DNAH14: variants seen among roughly 807,000 people sequenced by gnomAD.
DNAH14 encodes the protein dynein axonemal heavy chain 14.
Under a neutral mutation model 520.9 loss-of-function variants are expected in DNAH14, and 478 were observed. The observed-to-expected ratio is 0.92, with a 90% CI of 0.85 to 0.99. The LOEUF is 0.99. Ranked by LOEUF, DNAH14 falls within the 50% of genes least tolerant of loss-of-function variation. The pLI, the probability that DNAH14 is intolerant of heterozygous loss-of-function variation, is 0.00. For missense variants in DNAH14, 4,831 were observed against 5,234.5 expected, an observed-to-expected ratio of 0.92 and a Z score of 2.38; for synonymous variants, 1,581 against 1,757.2, an observed-to-expected ratio of 0.90 and a Z score of 2.51.
At position 225,063,142 on chromosome 1, in the gene DNAH14, G is replaced by A. The variant is rs1359046321; in HGVS notation, c.2424+11347G>A. 2.0e-5 allele frequency among the ~76,000 whole-genome samples: 3 copies of A among 151,782 alleles called. No individual in the cohort carries two copies. In the East Asian group the frequency reaches 5.8e-4, roughly 30 times the overall value. ...AAAGATATTTAAAAAAAGCAAAATA[G>A]CAAAACTTAAAGAGATGAAAAATAC... On this transcript the variant is annotated intron_variant, in intron 17 of 85. Coordinates refer to ENST00000682510, the MANE Select transcript of DNAH14 (RefSeq NM_001367479.1).
intron 17 of DNAH14, among the ~76,000 whole-genome samples, chr1:225,055,791 T>C (rs958288589): frequency 2.0e-5 from 3 of 151,612 alleles, no homozygotes; most frequent in Non-Finnish European, 4.4e-5. Flanking sequence ...TGGTGTTTGG[T>C]TTTTTGTCCT....
At chr1:224,991,261 A>G (rs112615371) in intron 8 of DNAH14, among the ~76,000 whole-genome samples, 1 of 134,934 alleles carries the variant, frequency 7.4e-6, no homozygotes, top group Admixed American at 7.5e-5. Context: ...TGCCCAGCTA[A>G]TTTTTTTTTT....
At chr1:225,208,064 C>G (rs1478267874) in intron 41 of DNAH14, among the ~76,000 whole-genome samples, 2 of 152,070 alleles carry the variant, frequency 1.3e-5, no homozygotes, top group African/African-American at 4.8e-5. Flanking sequence ...CCTACTGCCA[C>G]CCCCCTTCAA....
chr1:225,087,108 C>G (rs1233789200), intron 21 of DNAH14, among the ~76,000 whole-genome samples: 1 of 151,778 alleles, frequency 6.6e-6, no homozygotes, highest in Non-Finnish European at 1.5e-5. Context: ...TTAGTGTTGC[C>G]TTAACAATAC....
intron 60 of DNAH14, among the ~76,000 whole-genome samples, chr1:225,312,610 A>G (rs1477957450): frequency 6.6e-6 from 1 of 152,196 alleles, no homozygotes; most frequent in African/African-American, 2.4e-5. Flanking sequence ...TTATTTTAAG[A>G]TATATTCCAT....
At chr1:224,971,549 T>C (rs1212443226) in intron 7 of DNAH14, among the ~76,000 whole-genome samples, 2 of 152,162 alleles carry the variant, frequency 1.3e-5, no homozygotes, top group African/African-American at 4.8e-5. Context: ...GGTAAATAAA[T>C]AATTTCAGAT....
chr1:225,131,077 T>G (rs986223611), intron 27 of DNAH14, among the ~76,000 whole-genome samples: 1 of 152,172 alleles, frequency 6.6e-6, no homozygotes, highest in African/African-American at 2.4e-5. Context: ...ATGTAGGTGG[T>G]GAATATATAA....
chr1:225,202,560 G>A (rs951760758), intron 38 of DNAH14, among the ~76,000 whole-genome samples: 14 of 152,156 alleles, frequency 9.2e-5, no homozygotes, highest in Admixed American at 2.6e-4. Context: ...ATAGCACCGG[G>A]TCTGTTTCCA....
intron 23 of DNAH14, among the ~76,000 whole-genome samples, chr1:225,104,981 G>T (rs1163474370): frequency 2.0e-5 from 3 of 152,092 alleles, no homozygotes; most frequent in East Asian, 1.9e-4. Flanking sequence ...TGATGTTAGG[G>T]TGTCAATTTT....
Position 225,264,088 on chromosome 1 carries a change from T to C in DNAH14, c.7158-109T>C, listed in dbSNP as rs1198721602. 4 of 924,206 alleles carry C rather than the reference T, an allele frequency of 4.3e-6. No homozygotes were observed. The African/African-American group carries it at 6.8e-5, about 16-fold the overall frequency. 57.3% of individuals were successfully genotyped at this position (924,206 alleles called of 1,614,324 possible). On this transcript the variant is annotated intron_variant, in intron 46 of 85. Coordinates refer to ENST00000682510, the MANE Select transcript of DNAH14 (RefSeq NM_001367479.1). ...GGAAACAGAAAAAAAATTTTTCTTG[T>C]AAGAGTTAGAAGTAAAATTCACAAT...
intron 1 of DNAH14, among the ~76,000 whole-genome samples, chr1:224,940,745 C>G (rs1319593601): frequency 7.0e-6 from 1 of 143,800 alleles, no homozygotes; most frequent in Non-Finnish European, 1.5e-5. Flanking sequence ...TTGTTCAATT[C>G]TCACCTATGA....
chr1:224,970,274 G>A lies in DNAH14; in HGVS notation c.767+1400G>A, dbSNP rs1044913464. On this transcript the variant is annotated intron_variant, in intron 7 of 85. Coordinates refer to ENST00000682510, the MANE Select transcript of DNAH14 (RefSeq NM_001367479.1). ...GGCTTATTAGGACGAGGAAATTCCC[G>A]CCTAATAAATTTTGGTGAGACCGGT... 4.6e-5 allele frequency among the ~76,000 whole-genome samples: 7 copies of A among 152,014 alleles called. No individual in the cohort carries two copies. In the South Asian group the frequency reaches 8.3e-4, roughly 18 times the overall value.
chr1:225,307,390 A>T, intron 58 of DNAH14, 71 bp from the exon 59 acceptor site: 1 of 1,082,204 alleles, frequency 9.2e-7, no homozygotes, highest in Non-Finnish European at 1.3e-6. Context: ...AATTCTTTTT[A>T]TATATTATCA....
chr1:225,151,026 G>A (rs1054368303), intron 31 of DNAH14, among the ~76,000 whole-genome samples: 19 of 152,086 alleles, frequency 1.2e-4, no homozygotes, highest in Non-Finnish European at 8.8e-5. Flanking sequence ...AAAAAGCAAA[G>A]TGGGTATACT....
intron 62 of DNAH14, 129 bp from the exon 63 acceptor site, chr1:225,324,093 G>C: frequency 8.6e-7 from 1 of 1,169,542 alleles, no homozygotes; most frequent in Non-Finnish European, 1.2e-6. Context: ...TGGGTTTATA[G>C]GCATGAGCCG....
chr1:225,324,835 A>G lies in DNAH14; in HGVS notation c.9723+3A>G. 6.5e-7 allele frequency: 1 copy of G among 1,549,864 alleles called. No homozygotes were observed. Among genetic ancestry groups the G allele is most frequent in the Non-Finnish European group, 8.7e-7 (1 of 1,145,458 alleles). ...AGAAACAAAGAGGTTTACAGCTGGT[A>G]AGAAATACAGTTCAGTTCTCAAAAT... On this transcript the variant is annotated splice_donor_region_variant and intron_variant, in intron 64 of 85. Coordinates refer to ENST00000682510, the MANE Select transcript of DNAH14 (RefSeq NM_001367479.1).
At chr1:225,177,274 G>A (rs1345422432) in intron 36 of DNAH14, among the ~76,000 whole-genome samples, 1 of 152,178 alleles carries the variant, frequency 6.6e-6, no homozygotes, top group African/African-American at 2.4e-5. Flanking sequence ...AAATTTCTAA[G>A]CAGCAAAGCA....
intron 11 of DNAH14, among the ~76,000 whole-genome samples, chr1:225,025,713 T>A (rs1304451299): frequency 2.6e-5 from 4 of 152,064 alleles, no homozygotes; most frequent in Non-Finnish European, 5.9e-5. Context: ...ACTAAATATA[T>A]AAATAAATAA....
At chr1:225,197,021 C>G (rs944689024) in intron 38 of DNAH14, among the ~76,000 whole-genome samples, 8 of 149,078 alleles carry the variant, frequency 5.4e-5, no homozygotes, top group African/African-American at 2.0e-4. Context: ...CTGACTGTAC[C>G]TTTTGCTGTG....
Sources: gnomAD v4.1 joint callset for allele counts (sites outside exome capture counted in the v4.1 genomes callset) on GRCh38, gnomAD v4.1.1 for gene constraint, MANE v1.5 for transcripts, NCBI Gene and HGNC (gene_info 2026-07-23, HGNC 2026-07-21) for gene names.